The following ITPR1 variants were observed in gnomAD, a reference collection of about 807,000 sequenced individuals.
ITPR1 encodes inositol 1,4,5-trisphosphate-gated calcium channel ITPR1.
In ITPR1, 96 loss-of-function variants were observed where a neutral mutation model predicts 318.4. The observed-to-expected ratio is 0.30, with a 90% CI of 0.26 to 0.36. ITPR1 has a LOEUF of 0.36. Ranked by LOEUF, ITPR1 falls within the 10% of genes least tolerant of loss-of-function variation. ITPR1 has a pLI of 1.00. For missense variants in ITPR1, 2,440 were observed against 3,460.2 expected (o/e 0.71, Z 7.40); for synonymous variants, 1,312 against 1,289.9 (o/e 1.02, Z -0.37).
At chr3:4,746,896 G>A (rs2044149558) in intron 44 of ITPR1, among the ~76,000 whole-genome samples, 1 of 152,124 alleles carries the variant, frequency 6.6e-6, no homozygotes, top group Non-Finnish European at 1.5e-5. Flanking sequence ...TTCTTCCGGG[G>A]TCAAGTCTCC....
At chr3:4,657,768 G>A (rs760319615) in intron 12 of ITPR1, among the ~76,000 whole-genome samples, 4 of 151,762 alleles carry the variant, frequency 2.6e-5, no homozygotes, top group African/African-American at 4.8e-5. Context: ...GCCAGCCTGG[G>A]CTAATTTTTT....
At chr3:4,740,765 C>T (rs943080868) in intron 44 of ITPR1, among the ~76,000 whole-genome samples, 7 of 152,142 alleles carry the variant, frequency 4.6e-5, no homozygotes, top group Non-Finnish European at 8.8e-5. Flanking sequence ...CACATTGAAC[C>T]CTCCGCTTAT....
intron 6 of ITPR1, among the ~76,000 whole-genome samples, chr3:4,641,402 C>T (rs889655350): frequency 1.3e-5 from 2 of 152,262 alleles, no homozygotes; most frequent in East Asian, 1.9e-4. Flanking sequence ...TGAGAGACAG[C>T]GTCTTGCTCT....
chr3:4,821,531 G>A (rs1469531400), intron 60 of ITPR1, among the ~76,000 whole-genome samples: 1 of 152,216 alleles, frequency 6.6e-6, no homozygotes, highest in African/African-American at 2.4e-5. Flanking sequence ...ATTGAGAAGG[G>A]TTCTTGGAAA....
chr3:4,644,460 G>A (rs970193783), intron 8 of ITPR1, among the ~76,000 whole-genome samples: 1 of 152,236 alleles, frequency 6.6e-6, no homozygotes, highest in South Asian at 2.1e-4. Flanking sequence ...TGCTCAGTTT[G>A]TGAAGCCTTG....
chr3:4,656,495 G>A (rs2093711774), intron 12 of ITPR1, among the ~76,000 whole-genome samples: 3 of 152,316 alleles, frequency 2.0e-5, no homozygotes, highest in Non-Finnish European at 4.4e-5. Context: ...AGGGTCTGGG[G>A]TTTGTGCAAG....
chr3:4,818,632 G>A (rs1292527523), intron 60 of ITPR1, among the ~76,000 whole-genome samples: 1 of 152,126 alleles, frequency 6.6e-6, no homozygotes, highest in Non-Finnish European at 1.5e-5. Context: ...TCTAAGAGGT[G>A]TCTTAGAGGC....
intron 34 of ITPR1, among the ~76,000 whole-genome samples, chr3:4,697,657 G>A (rs1436433972): frequency 1.2e-4 from 18 of 151,754 alleles, no homozygotes; most frequent in Non-Finnish European, 1.5e-5. Flanking sequence ...TCATCATGTT[G>A]GCCAGGCTGG....
In ITPR1 at chr3:4,542,871, C is replaced by T. The variant is rs536816835; in HGVS notation, c.163+21777C>T. Among the ~76,000 whole-genome samples the T allele has an allele frequency of 9.2e-5, 14 of 152,266 alleles. No individual in the cohort carries two copies. In the East Asian group the frequency reaches 1.7e-3, roughly 19 times the overall value. ...CAGGGGTCTTGTTTCCACTTCATTG[C>T]GGGCTTCTCTGGATTCCCTTCTATA... On this transcript the variant is annotated intron_variant, in intron 4 of 61. Coordinates refer to ENST00000649015, the MANE Select transcript of ITPR1 (RefSeq NM_001378452.1).
At chr3:4,825,989 A>T in intron 60 of ITPR1, 5 of 356,986 alleles carry the variant, frequency 1.4e-5, no homozygotes, top group South Asian at 8.5e-5. Context: ...CACTTTAAGG[A>T]ACTCAGAAGT....
At chr3:4,767,609 C>G (rs994242606) in intron 45 of ITPR1, among the ~76,000 whole-genome samples, 1 of 152,218 alleles carries the variant, frequency 6.6e-6, no homozygotes, top group Non-Finnish European at 1.5e-5. Flanking sequence ...ACGTCCAACT[C>G]CTGGGCCCAG....
At chr3:4,709,828 A>G (rs768257411) in intron 37 of ITPR1, among the ~76,000 whole-genome samples, 5 of 152,252 alleles carry the variant, frequency 3.3e-5, no homozygotes, top group Non-Finnish European at 7.3e-5. Flanking sequence ...ATTGAAAATA[A>G]ACAACACTGA....
At chr3:4,775,986 C>T (rs1224300313) in intron 47 of ITPR1, among the ~76,000 whole-genome samples, 1 of 152,226 alleles carries the variant, frequency 6.6e-6, no homozygotes, top group African/African-American at 2.4e-5. Context: ...GAGTACAACC[C>T]AATAACTTCT....
At chr3:4,637,487 G>A (rs1575833923) in intron 5 of ITPR1, among the ~76,000 whole-genome samples, 1 of 152,350 alleles carries the variant, frequency 6.6e-6, no homozygotes, top group East Asian at 1.9e-4. Flanking sequence ...GGACTGTGCT[G>A]AGGGCAACTT....
In ITPR1 at chr3:4,847,152, C is replaced by T. The variant is rs1235989899; in HGVS notation, c.*927C>T. 6.6e-6 allele frequency: 1 copy of T among 152,426 alleles called. No homozygotes were observed. Among genetic ancestry groups the T allele is most frequent in the Non-Finnish European group, 1.5e-5 (1 of 68,004 alleles). 9.4% of individuals were successfully genotyped at this position (152,426 alleles called of 1,614,324 possible). ...GAGTTTATTTTTTCTTCATCTGAAC[C>T]AACATGCTACAGTAGCTAAGAAGTA... On this transcript the variant is annotated 3_prime_UTR_variant, in exon 62 of 62. Transcript: ENST00000649015.
Position 4,541,632 on chromosome 3 carries a change from CT to C in ITPR1, c.163+20550del, listed in dbSNP as rs34489800. Among the ~76,000 whole-genome samples the C allele has an allele frequency of 2.1e-3, 310 of 145,752 alleles. 6 individuals carry two copies. The South Asian group carries it at 0.045, about 21-fold the overall frequency. On this transcript the variant is annotated intron_variant, in intron 4 of 61. Transcript: ENST00000649015. ...CGAGCTGTTATCTATTCAAATACCACTTTTTTTTTTTTGAGATGGAGTCTCA... is the reference window on the plus strand; with the variant it reads ...CGAGCTGTTATCTATTCAAATACCACTTTTTTTTTTTGAGATGGAGTCTCA...
intron 4 of ITPR1, among the ~76,000 whole-genome samples, chr3:4,593,910 G>C (rs541338767): frequency 6.2e-4 from 94 of 152,316 alleles, no homozygotes; most frequent in African/African-American, 2.1e-3. Flanking sequence ...ATGATTTCTG[G>C]TTGGGAAAGG....
intron 14 of ITPR1, 81 bp from the exon 15 acceptor site, chr3:4,662,001 G>A (rs2093845192): frequency 3.2e-6 from 4 of 1,236,112 alleles, no homozygotes; most frequent in Non-Finnish European, 4.6e-6. Context: ...ATCAGCCAGT[G>A]TCTCGTAAAT....
chr3:4,727,284 G>A (rs1559782339), intron 42 of ITPR1, 111 bp downstream of exon 42: 2 of 750,156 alleles, frequency 2.7e-6, no homozygotes, highest in Non-Finnish European at 4.2e-6. Context: ...TATTGTTAAA[G>A]CATTAATTGA....
Sources: allele counts gnomAD v4.1 joint callset (sites outside exome capture counted in the v4.1 genomes callset), GRCh38; gene constraint gnomAD v4.1.1; transcripts MANE v1.5; gene names NCBI Gene and HGNC (gene_info 2026-07-23, HGNC 2026-07-21).